Variants in KANSL1L observed in about 807,000 individuals in gnomAD.
The protein encoded by KANSL1L is KAT8 regulatory NSL complex subunit 1-like protein.
A neutral mutation model predicts 108.6 loss-of-function variants in KANSL1L; 25 were observed. The observed-to-expected ratio is 0.23, with a 90% CI of 0.17 to 0.32. The LOEUF (loss-of-function observed/expected upper bound fraction) is 0.32, where lower values mean the gene tolerates loss of function less well. KANSL1L is among the 10% of genes least tolerant of loss of function. The pLI, the probability that KANSL1L is intolerant of heterozygous loss-of-function variation, is 1.00. For missense variants in KANSL1L, 1,137 were observed against 1,125.7 expected (o/e 1.01, Z -0.14); for synonymous variants, 405 against 395.1 (o/e 1.03, Z -0.30).
In KANSL1L at chr2:210,079,634, A is replaced by G. The variant is rs5021594; in HGVS notation, c.1551-3878T>C. Among the ~76,000 whole-genome samples the G allele has an allele frequency of 5.2e-3, 35 of 6,700 alleles. 1 individual carries two copies. Among genetic ancestry groups the G allele is most frequent in the South Asian group, 0.022 (2 of 92 alleles). 4.4% of individuals were successfully genotyped at this position (6,700 alleles called of 152,430 possible). On this transcript the variant is annotated intron_variant, in intron 5 of 14. Transcript: ENST00000281772. The stretch of plus-strand genomic sequence containing the variant: ...TGTGTATATATATATATATATATAT[A>G]TATATATATATATATATATATATAT...
chr2:210,044,210 A>G lies in KANSL1L; in HGVS notation c.1756-106T>C, dbSNP rs564205732. On this transcript the variant is annotated intron_variant, in intron 6 of 14. Coordinates refer to ENST00000281772, the MANE Select transcript of KANSL1L (RefSeq NM_152519.4). The surrounding 1 kb of genome is among the most constrained non-coding windows in gnomAD (Gnocchi z 4.2). Reference sequence around the variant, plus strand: ...TAAATAAAATTTTCCAGTTCTACAAAAAGTTTTACAAATATTTTGCTAGAT... The same window carrying G: ...TAAATAAAATTTTCCAGTTCTACAAGAAGTTTTACAAATATTTTGCTAGAT... 3.6e-5 allele frequency: 24 copies of G among 664,014 alleles called. No homozygotes were observed. Among genetic ancestry groups the G allele is most frequent in the African/African-American group, 2.8e-4 (15 of 53,192 alleles). 41.1% of individuals were successfully genotyped at this position (664,014 alleles called of 1,614,324 possible).
chr2:210,065,856 G>A (rs2094463255), intron 6 of KANSL1L, among the ~76,000 whole-genome samples: 1 of 152,158 alleles, frequency 6.6e-6, no homozygotes, highest in Admixed American at 6.5e-5. Flanking sequence ...AAAGTGCTGG[G>A]ATAACAGGCA....
intron 4 of KANSL1L, among the ~76,000 whole-genome samples, chr2:210,100,179 G>A (rs893191149): frequency 2.6e-5 from 4 of 152,032 alleles, no homozygotes; most frequent in Admixed American, 1.3e-4. Context: ...GAACCATACT[G>A]TGAAGTGCAC....
chr2:210,126,128 AG>A (rs1386607134), intron 3 of KANSL1L, among the ~76,000 whole-genome samples: 1 of 152,230 alleles, frequency 6.6e-6, no homozygotes, highest in African/African-American at 2.4e-5. Flanking sequence ...CAGAGTAGCA[AG>A]ATCACACAGA....
At chr2:210,166,938 T>C (rs1688008834) in intron 1 of KANSL1L, among the ~76,000 whole-genome samples, 1 of 151,988 alleles carries the variant, frequency 6.6e-6, no homozygotes, top group African/African-American at 2.4e-5. Flanking sequence ...TTTTTAAACA[T>C]TATCTCTAGA....
intron 6 of KANSL1L, among the ~76,000 whole-genome samples, chr2:210,071,290 C>CA (rs573491768): frequency 2.1e-4 from 32 of 151,714 alleles, no homozygotes; most frequent in African/African-American, 7.7e-4. Context: ...TATTTAGAGA[C>CA]AGAGTCTCAC....
rs1011695284 is a variant in KANSL1L at position 210,025,140 on chromosome 2, A to T, written c.2528T>A (p.Leu843Gln). The T allele has an allele frequency of 2.5e-6, 4 of 1,613,350 alleles. No homozygotes were observed. Among genetic ancestry groups the T allele is most frequent in the Non-Finnish European group, 3.4e-6 (4 of 1,179,318 alleles). ...YEEREQARWS[L>Q]WEQSKWHRRN... The stretch of plus-strand genomic sequence containing the variant: ...TCTGTGCCACTTGCTTTGCTCCCAT[A>T]GTGACCACCTGGCTTGCTCTCTCTC... The change falls in exon 13 of 15, where the codon CTA becomes CAA. Residue 843 changes from leucine to glutamine, a missense_variant. Physicochemically the swap from Leu to Gln is moderately radical, Grantham distance 113. Around this residue, in one of 3 missense-constraint regions of KANSL1L, gnomAD observed 575 missense variants for 567.1 expected, o/e 1.01. Coordinates refer to ENST00000281772, the MANE Select transcript of KANSL1L (RefSeq NM_152519.4).
At chr2:210,034,938 A>G (rs1345705243) in intron 8 of KANSL1L, among the ~76,000 whole-genome samples, 1 of 152,170 alleles carries the variant, frequency 6.6e-6, no homozygotes. Context: ...ATCGTATCAC[A>G]TTTGCTTTAC....
Position 210,092,035 on chromosome 2 carries a change from G to A in KANSL1L, c.1550+6051C>T, listed in dbSNP as rs748286115. Reference sequence around the variant, plus strand: ...ATTACTATTGAGAAGTCAGCTATCCGTCTAACTATGTTTCAATTAAGATTA... The same window carrying A: ...ATTACTATTGAGAAGTCAGCTATCCATCTAACTATGTTTCAATTAAGATTA... On this transcript the variant is annotated intron_variant, in intron 5 of 14. Transcript: ENST00000281772. 2.3e-4 allele frequency among the ~76,000 whole-genome samples: 35 copies of A among 152,056 alleles called. 1 individual carries two copies. The highest frequency in any genetic ancestry group is 3.4e-4 in the Non-Finnish European group (23 of 67,998).
chr2:210,156,581 C>T (rs1484952192), intron 1 of KANSL1L, among the ~76,000 whole-genome samples: 1 of 151,862 alleles, frequency 6.6e-6, no homozygotes, highest in Non-Finnish European at 1.5e-5. Flanking sequence ...TAGTATAGTA[C>T]CATATAAATA....
intron 2 of KANSL1L, chr2:210,152,164 T>C (rs1048677602): frequency 3.3e-5 from 5 of 152,156 alleles, no homozygotes; most frequent in African/African-American, 1.2e-4. Flanking sequence ...GTGAGTGTTG[T>C]GCCCCTGTAT....
intron 1 of KANSL1L, among the ~76,000 whole-genome samples, chr2:210,170,867 G>A (rs1022187401): frequency 5.6e-5 from 8 of 142,958 alleles, no homozygotes; most frequent in African/African-American, 2.1e-4. Context: ...CCGGCGTCCA[G>A]GTCCGCCCCC....
At chr2:210,163,037 T>C (rs2095370019) in intron 1 of KANSL1L, among the ~76,000 whole-genome samples, 1 of 152,200 alleles carries the variant, frequency 6.6e-6, no homozygotes, top group South Asian at 2.1e-4. Context: ...ACATCTTTTC[T>C]ATCCTTACAT....
At chr2:210,148,259 T>C (rs2095278998) in intron 2 of KANSL1L, among the ~76,000 whole-genome samples, 2 of 152,188 alleles carry the variant, frequency 1.3e-5, no homozygotes, top group South Asian at 2.1e-4. Flanking sequence ...AATTAAAACA[T>C]GTCTGTGTCA....
Position 210,044,926 on chromosome 2 carries a change from C to T in KANSL1L, c.1756-822G>A, listed in dbSNP as rs2094207940. On this transcript the variant is annotated intron_variant, in intron 6 of 14. Coordinates refer to ENST00000281772, the MANE Select transcript of KANSL1L (RefSeq NM_152519.4). This position sits in a 1 kb window ranked among gnomAD's most constrained non-coding sequence, Gnocchi z 4.2. Reference sequence around the variant, plus strand: ...CTGGGATTACAGGCACGTGCCACTGCGCCCAGCTACTTTTTGTATTTTTAG... The same window carrying T: ...CTGGGATTACAGGCACGTGCCACTGTGCCCAGCTACTTTTTGTATTTTTAG... Among the ~76,000 whole-genome samples, 1 of 152,022 alleles carries T rather than the reference C, an allele frequency of 6.6e-6. No individual in the cohort carries two copies. The highest frequency in any genetic ancestry group is 6.6e-5 in the Admixed American group (1 of 15,258).
intron 3 of KANSL1L, among the ~76,000 whole-genome samples, chr2:210,116,034 C>T (rs994489277): frequency 1.3e-5 from 2 of 152,184 alleles, no homozygotes; most frequent in African/African-American, 4.8e-5. Context: ...TCTGGACCTA[C>T]CCTGGTCCAG....
chr2:210,087,066 T>C (rs1343676802), intron 5 of KANSL1L, among the ~76,000 whole-genome samples: 1 of 151,692 alleles, frequency 6.6e-6, no homozygotes, highest in Non-Finnish European at 1.5e-5. Context: ...TCTTGCTCTG[T>C]CACCTAGGCT....
chr2:210,156,313 G>T (rs970430298), intron 1 of KANSL1L, among the ~76,000 whole-genome samples: 1 of 151,980 alleles, frequency 6.6e-6, no homozygotes, highest in African/African-American at 2.4e-5. Flanking sequence ...TATCTATTGG[G>T]ATCATAAATT....
rs564485106 is a variant in KANSL1L at position 210,165,897 on chromosome 2, G to A, written c.-30+5252C>T. On this transcript the variant is annotated intron_variant, in intron 1 of 14. Coordinates refer to ENST00000281772, the MANE Select transcript of KANSL1L (RefSeq NM_152519.4). Reference sequence around the variant, plus strand: ...CAGTAAGGTAAGATATTTTGAGAGCGAGCAAGAAGAGCACATTCACATAAC... The same window carrying A: ...CAGTAAGGTAAGATATTTTGAGAGCAAGCAAGAAGAGCACATTCACATAAC... Among the ~76,000 whole-genome samples the A allele has an allele frequency of 3.3e-3, 499 of 152,242 alleles. 2 individuals carry two copies. Among genetic ancestry groups the A allele is most frequent in the Middle Eastern group, 6.8e-3 (2 of 294 alleles).
Sources: allele counts gnomAD v4.1 joint callset (sites outside exome capture counted in the v4.1 genomes callset), GRCh38; gene constraint gnomAD v4.1.1; regional missense constraint gnomAD v4.1.1; non-coding constraint Gnocchi (gnomAD v3.1); transcripts MANE v1.5; gene names NCBI Gene and HGNC (gene_info 2026-07-23, HGNC 2026-07-21).